Variants in KIAA1958 observed in about 807,000 individuals in gnomAD.
The protein encoded by KIAA1958 is uncharacterized protein KIAA1958.
Under a neutral mutation model 47.2 loss-of-function variants are expected in KIAA1958, and 14 were observed. The observed-to-expected ratio is 0.30, with a 90% CI of 0.20 to 0.46. The LOEUF (loss-of-function observed/expected upper bound fraction) is 0.46. Among genes scored for constraint, KIAA1958 ranks in the 20% least tolerant of loss-of-function variants. KIAA1958 has a pLI of 1.00. For missense variants in KIAA1958, 803 were observed against 909.2 expected, an observed-to-expected ratio of 0.88 and a Z score of 1.50; for synonymous variants, 354 against 353.3, an observed-to-expected ratio of 1.00 and a Z score of -0.02.
intron 2 of KIAA1958, among the ~76,000 whole-genome samples, chr9:112,627,509 T>C (rs1004516146): frequency 2.6e-5 from 4 of 152,188 alleles, no homozygotes; most frequent in Admixed American, 6.5e-5. Context: ...TTCCCAGCAC[T>C]TTGGGAGACT....
At chr9:112,544,776 G>A (rs1835001086) in intron 1 of KIAA1958, among the ~76,000 whole-genome samples, 1 of 152,178 alleles carries the variant, frequency 6.6e-6, no homozygotes. Flanking sequence ...AGCTGACCAA[G>A]GAAATGTAGA....
chr9:112,537,741 A>AT (rs1397261975), intron 1 of KIAA1958, among the ~76,000 whole-genome samples: 3 of 152,212 alleles, frequency 2.0e-5, no homozygotes, highest in Non-Finnish European at 4.4e-5. Context: ...TTTGGCAGTT[A>AT]TTTCAGTTAT....
intron 1 of KIAA1958, among the ~76,000 whole-genome samples, chr9:112,498,625 T>G (rs1372142587): frequency 2.0e-5 from 3 of 152,146 alleles, no homozygotes; most frequent in Non-Finnish European, 4.4e-5. Flanking sequence ...TTTTTCCCCC[T>G]TTTATTTTTA....
At chr9:112,612,555 G>C (rs1331760046) in intron 2 of KIAA1958, among the ~76,000 whole-genome samples, 1 of 146,666 alleles carries the variant, frequency 6.8e-6, no homozygotes, top group Non-Finnish European at 1.5e-5. Flanking sequence ...TAACTAGTAT[G>C]TACTTGAAAA....
intron 1 of KIAA1958, among the ~76,000 whole-genome samples, chr9:112,555,361 T>C (rs1450685367): frequency 6.6e-6 from 1 of 151,788 alleles, no homozygotes; most frequent in Admixed American, 6.6e-5. Context: ...AGTGGGAGAG[T>C]TGAGAAACAA....
At chr9:112,652,108 C>T (rs1837063787) in intron 3 of KIAA1958, among the ~76,000 whole-genome samples, 1 of 152,112 alleles carries the variant, frequency 6.6e-6, no homozygotes, top group African/African-American at 2.4e-5. Context: ...TCAAGTGATC[C>T]ACCTGCCTTG....
intron 1 of KIAA1958, among the ~76,000 whole-genome samples, chr9:112,563,085 C>CTCTCTCTA (rs10655286): frequency 0.11 from 14,324 of 131,308 alleles, 896 homozygotes; most frequent in Non-Finnish European, 0.14. Context: ...CTCTCTCTCT[C>CTCTCTCTA]TATATATATA....
At chr9:112,541,351 GAAA>G (rs35339642) in intron 1 of KIAA1958, among the ~76,000 whole-genome samples, 141,313 of 150,170 alleles carry the variant, frequency 0.94, 66,535 homozygotes, top group African/African-American at 0.98. Context: ...AAAATTAAAT[GAAA>G]AAAAAAAAAA....
At chr9:112,502,058 G>A (rs950740906) in intron 1 of KIAA1958, among the ~76,000 whole-genome samples, 4 of 152,100 alleles carry the variant, frequency 2.6e-5, no homozygotes, top group African/African-American at 7.2e-5. Flanking sequence ...TATCAAATTA[G>A]CAAAAGTATG....
chr9:112,502,215 T>G (rs1042751741), intron 1 of KIAA1958, among the ~76,000 whole-genome samples: 2 of 152,258 alleles, frequency 1.3e-5, no homozygotes, highest in Non-Finnish European at 2.9e-5. Flanking sequence ...CATATCAATA[T>G]GTATAGTTGA....
Position 112,659,913 on chromosome 9 carries a change from C to T in KIAA1958, c.1995C>T (p.Ser665=), listed in dbSNP as rs572162996. 9.3e-6 allele frequency: 15 copies of T among 1,614,168 alleles called. 1 individual carries two copies. The highest frequency in any genetic ancestry group is 6.6e-5 in the South Asian group (6 of 91,072). ...TARKEATDMG[S]VWYEEQRMGL... ...GGAAGGAGGCCACAGACATGGGCAG[C>T]GTGTGGTATGAGGAGCAGAGGATGG... is the stretch of plus-strand genomic sequence containing the variant. The change falls in exon 4 of 4, where the codon AGC becomes AGT. Residue 665 remains serine (S), a synonymous_variant. Coordinates refer to ENST00000337530, the MANE Select transcript of KIAA1958 (RefSeq NM_133465.4).
intron 1 of KIAA1958, among the ~76,000 whole-genome samples, chr9:112,562,472 G>T (rs779024246): frequency 1.5e-4 from 23 of 152,178 alleles, no homozygotes; most frequent in Non-Finnish European, 2.9e-4. Context: ...CACACACCCA[G>T]AAGAGCCTGT....
chr9:112,656,264 C>T (rs938294612), intron 3 of KIAA1958, among the ~76,000 whole-genome samples: 1 of 149,098 alleles, frequency 6.7e-6, no homozygotes, highest in Non-Finnish European at 1.5e-5. Context: ...GTCTCAGCTA[C>T]TCGGGAGGCT....
At chr9:112,579,362 T>C (rs1277593319) in intron 2 of KIAA1958, among the ~76,000 whole-genome samples, 1 of 152,158 alleles carries the variant, frequency 6.6e-6, no homozygotes, top group East Asian at 1.9e-4. Flanking sequence ...TTCCCTCTTA[T>C]TCTTTTATGG....
In KIAA1958 at chr9:112,487,066, A is replaced by G. The variant is rs1476585691; in HGVS notation, c.-77A>G. The G allele has an allele frequency of 4.5e-6, 1 of 221,600 alleles. No individual in the cohort carries two copies. Among genetic ancestry groups the G allele is most frequent in the Non-Finnish European group, 9.1e-6 (1 of 109,460 alleles). 13.7% of individuals were successfully genotyped at this position (221,600 alleles called of 1,614,324 possible). ...CCAGCCCGGGCTGCCCGGCTCTCGC[A>G]GGCCCCCCCGCGCCGACCGCGTTCC... On this transcript the variant is annotated 5_prime_UTR_variant, in exon 1 of 4. Coordinates refer to ENST00000337530, the MANE Select transcript of KIAA1958 (RefSeq NM_133465.4).
chr9:112,600,846 A>G (rs1172976543), intron 2 of KIAA1958, among the ~76,000 whole-genome samples: 1 of 152,206 alleles, frequency 6.6e-6, no homozygotes, highest in Non-Finnish European at 1.5e-5. Flanking sequence ...GTTGAACTAG[A>G]TGACTTATAT....
chr9:112,489,403 T>G (rs1833923461), intron 1 of KIAA1958, among the ~76,000 whole-genome samples: 1 of 152,120 alleles, frequency 6.6e-6, no homozygotes, highest in African/African-American at 2.4e-5. Flanking sequence ...GTGCCTGTTT[T>G]CTGAGATCAT....
intron 1 of KIAA1958, among the ~76,000 whole-genome samples, chr9:112,547,241 TG>T (rs34411107): frequency 0.96 from 144,552 of 151,352 alleles, 69,103 homozygotes; most frequent in African/African-American, 0.99. Flanking sequence ...TAGCTGGGAG[TG>T]GGGTGCGTGC....
intron 1 of KIAA1958, among the ~76,000 whole-genome samples, chr9:112,559,853 G>A (rs1835297442): frequency 6.6e-6 from 1 of 152,164 alleles, no homozygotes; most frequent in African/African-American, 2.4e-5. Context: ...CCATTGATGA[G>A]AAAACCACTT....
Sources: allele counts gnomAD v4.1 joint callset (sites outside exome capture counted in the v4.1 genomes callset), GRCh38; gene constraint gnomAD v4.1.1; transcripts MANE v1.5; gene names NCBI Gene and HGNC (gene_info 2026-07-23, HGNC 2026-07-21).